Variants in ZC3H12D observed in about 807,000 individuals in gnomAD.
ZC3H12D encodes probable ribonuclease ZC3H12D.
In ZC3H12D, 11 loss-of-function variants were observed where a neutral mutation model predicts 24.2. That is an observed-to-expected ratio of 0.46 (90% CI 0.29 to 0.75). The LOEUF (loss-of-function observed/expected upper bound fraction) is 0.75, where lower values mean the gene tolerates loss of function less well. ZC3H12D is among the 30% of genes least tolerant of loss of function. The pLI, the probability that ZC3H12D is intolerant of heterozygous loss-of-function variation, is 0.11. For missense variants in ZC3H12D, 740 were observed against 767.7 expected, an observed-to-expected ratio of 0.96 and a Z score of 0.43; for synonymous variants, 333 against 341.8, an observed-to-expected ratio of 0.97 and a Z score of 0.28.
chr6:149,449,350 A>G lies in ZC3H12D; in HGVS notation c.*1333T>C, dbSNP rs1775838469. 2 of 152,472 alleles carry G rather than the reference A, an allele frequency of 1.3e-5. No individual in the cohort carries two copies. Among genetic ancestry groups the G allele is most frequent in the Non-Finnish European group, 2.9e-5 (2 of 68,274 alleles). 9.4% of individuals were successfully genotyped at this position (152,472 alleles called of 1,614,324 possible). A position where few individuals can be genotyped will look rare whatever the true frequency, so the allele number is the denominator to read the frequency against. Reference sequence around the variant, plus strand: ...TCCCAGTTACTCAGGAGGCTGAGGCAGGGGGATCACTTGAATCCAGGAGTT... The same window carrying G: ...TCCCAGTTACTCAGGAGGCTGAGGCGGGGGGATCACTTGAATCCAGGAGTT... On this transcript the variant is annotated 3_prime_UTR_variant, in exon 6 of 6. Transcript: ENST00000409806.
At position 149,456,601 on chromosome 6, in the gene ZC3H12D, ACTGCCTCGACCCCGGCCCCCCGCCCCGCC is replaced by A; in HGVS notation, c.680+36_680+64del. 7.3e-7 allele frequency: 1 copy of A among 1,369,752 alleles called. No individual in the cohort carries two copies. The highest frequency in any genetic ancestry group is 1.0e-6 in the Non-Finnish European group (1 of 994,386). The allele number at this position is 1,369,752 out of a possible 1,614,324, so 84.8% of individuals were successfully genotyped here. ...CCTCCACCTGGTAGCAGGCGTGGCC[ACTGCCTCGACCCCGGCCCCCCGCCCCGCC>A]GCCCCCCAGGGTGTCAGGACCCCAG... On this transcript the variant is annotated intron_variant, in intron 4 of 5. Transcript: ENST00000409806. The surrounding 1 kb of genome is among the most constrained non-coding windows in gnomAD (Gnocchi z 4.3).
Position 149,450,480 on chromosome 6 carries a change from G to T in ZC3H12D, c.*203C>A. 1.8e-6 allele frequency: 1 copy of T among 554,098 alleles called. No individual in the cohort carries two copies. The highest frequency in any genetic ancestry group is 3.1e-6 in the Non-Finnish European group (1 of 323,338). 34.3% of individuals were successfully genotyped at this position (554,098 alleles called of 1,614,324 possible). On this transcript the variant is annotated 3_prime_UTR_variant, in exon 6 of 6. Coordinates refer to ENST00000409806, the MANE Select transcript of ZC3H12D (RefSeq NM_207360.3). ...GAAGTGGGTGGACCTCCCCGCAGCAGGCCCCGGCCTCAGTGAGGATCACCA... is the reference window on the plus strand; with the variant it reads ...GAAGTGGGTGGACCTCCCCGCAGCATGCCCCGGCCTCAGTGAGGATCACCA...
At chr6:149,469,315 G>A (rs964477629) in intron 2 of ZC3H12D, among the ~76,000 whole-genome samples, 3 of 152,162 alleles carry the variant, frequency 2.0e-5, no homozygotes, top group African/African-American at 7.2e-5. Context: ...AAAATTAGCT[G>A]GACGTGGTGG....
At chr6:149,467,960 A>T (rs879400372) in intron 2 of ZC3H12D, among the ~76,000 whole-genome samples, 2 of 152,150 alleles carry the variant, frequency 1.3e-5, no homozygotes, top group Admixed American at 1.3e-4. Context: ...AAAAGGAGAC[A>T]GGAGCTGGGA....
In ZC3H12D at chr6:149,474,320, C is replaced by T. The variant is rs1381633236; in HGVS notation, c.224G>A (p.Gly75Glu). 8 of 1,594,034 alleles carry T rather than the reference C, an allele frequency of 5.0e-6. No homozygotes were observed. The highest frequency in any genetic ancestry group is 6.0e-6 in the Non-Finnish European group (7 of 1,166,166). Residue 75 changes from glycine (G) to glutamate (E), a missense_variant, in exon 2 of 6, where the codon GGG becomes GAG. Transcript: ENST00000409806. Reference sequence around the variant, plus strand: ...TCTGAAGTCCTCTTCCAGGGCTGTCCCCGGGCCACGCTGGGCAGAGTCCGG... The same window carrying T: ...TCTGAAGTCCTCTTCCAGGGCTGTCTCCGGGCCACGCTGGGCAGAGTCCGG... ...GVPDSAQRGP[G>E]TALEEDFRTL...
chr6:149,465,720 A>C (rs1457778705), intron 2 of ZC3H12D, among the ~76,000 whole-genome samples: 1 of 142,242 alleles, frequency 7.0e-6, no homozygotes, highest in Admixed American at 7.0e-5. Context: ...GCACCACTGC[A>C]CTCCAGCCTG....
intron 2 of ZC3H12D, among the ~76,000 whole-genome samples, chr6:149,466,382 C>T (rs902105597): frequency 6.6e-5 from 10 of 151,822 alleles, no homozygotes; most frequent in Admixed American, 3.3e-4. Flanking sequence ...AAGATGTACC[C>T]TCCCCTACCT....
intron 2 of ZC3H12D, among the ~76,000 whole-genome samples, chr6:149,465,772 G>GA (rs1562475009): frequency 6.6e-6 from 1 of 151,424 alleles, no homozygotes; most frequent in African/African-American, 2.4e-5. Flanking sequence ...AAAAAGGGGG[G>GA]GGGAAGAGGA....
At chr6:149,455,865 G>T (rs1256592935) in intron 4 of ZC3H12D, among the ~76,000 whole-genome samples, 1 of 150,200 alleles carries the variant, frequency 6.7e-6, no homozygotes, top group Non-Finnish European at 1.5e-5. Flanking sequence ...TCATGCCACT[G>T]CACTCCAACC....
At chr6:149,484,259 C>T (rs1341706112) in intron 1 of ZC3H12D, among the ~76,000 whole-genome samples, 2 of 152,196 alleles carry the variant, frequency 1.3e-5, no homozygotes, top group African/African-American at 4.8e-5. Context: ...GTCAGATTAA[C>T]ATTTAGTTCA....
chr6:149,471,767 A>C (rs768451156), intron 2 of ZC3H12D, among the ~76,000 whole-genome samples: 3 of 152,248 alleles, frequency 2.0e-5, no homozygotes, highest in African/African-American at 2.4e-5. Context: ...TCCAGGGGAC[A>C]GAGCCACAGC....
chr6:149,480,908 G>A (rs939739091), intron 1 of ZC3H12D, among the ~76,000 whole-genome samples: 2 of 151,604 alleles, frequency 1.3e-5, no homozygotes, highest in Non-Finnish European at 1.5e-5. Context: ...CATCACAGTC[G>A]GGCCCAACAC....
At chr6:149,466,119 G>A (rs1281793956) in intron 2 of ZC3H12D, among the ~76,000 whole-genome samples, 1 of 152,074 alleles carries the variant, frequency 6.6e-6, no homozygotes, top group African/African-American at 2.4e-5. Context: ...TGGCACCAGT[G>A]AGCAGAGAGC....
intron 3 of ZC3H12D, chr6:149,459,471 T>G (rs1776038005): frequency 1.6e-6 from 1 of 643,050 alleles, no homozygotes; most frequent in Non-Finnish European, 2.8e-6. Flanking sequence ...TTGTATTGAT[T>G]GTGCAGCATG....
rs1187408207 is a variant in ZC3H12D at position 149,446,811 on chromosome 6, T to G, written c.*3872A>C. 6.6e-6 allele frequency: 1 copy of G among 152,158 alleles called. No individual in the cohort carries two copies. Among genetic ancestry groups the G allele is most frequent in the Non-Finnish European group, 1.5e-5 (1 of 68,060 alleles). 9.4% of individuals were successfully genotyped at this position (152,158 alleles called of 1,614,324 possible). Reference sequence around the variant, plus strand: ...AGCTCAATGTCAAACCAAAGCTGGATCCATTTTATTTGGAAGAATGCCAAT... The same window carrying G: ...AGCTCAATGTCAAACCAAAGCTGGAGCCATTTTATTTGGAAGAATGCCAAT... On this transcript the variant is annotated 3_prime_UTR_variant, in exon 6 of 6. Coordinates refer to ENST00000409806, the MANE Select transcript of ZC3H12D (RefSeq NM_207360.3).
intron 1 of ZC3H12D, among the ~76,000 whole-genome samples, chr6:149,475,438 C>A (rs1776320052): frequency 6.6e-6 from 1 of 152,116 alleles, no homozygotes; most frequent in South Asian, 2.1e-4. Context: ...CCTGCCCCGG[C>A]TGGGCATGGT....
chr6:149,478,102 G>A (rs1776369182), intron 1 of ZC3H12D, among the ~76,000 whole-genome samples: 1 of 151,176 alleles, frequency 6.6e-6, no homozygotes, highest in Admixed American at 6.6e-5. Context: ...AGGAGGGAGA[G>A]GTTGTGGTAA....
intron 2 of ZC3H12D, among the ~76,000 whole-genome samples, chr6:149,469,072 A>G (rs1411159202): frequency 6.6e-6 from 1 of 152,194 alleles, no homozygotes; most frequent in African/African-American, 2.4e-5. Flanking sequence ...TTTCCCCCCA[A>G]GGTTGTACTT....
chr6:149,472,438 C>T (rs762154357), intron 2 of ZC3H12D, among the ~76,000 whole-genome samples: 1 of 151,672 alleles, frequency 6.6e-6, no homozygotes, highest in Non-Finnish European at 1.5e-5. Context: ...TGTGTGAGAA[C>T]ATTTATGCTC....
Sources: allele counts gnomAD v4.1 joint callset (sites outside exome capture counted in the v4.1 genomes callset), GRCh38; gene constraint gnomAD v4.1.1; non-coding constraint Gnocchi (gnomAD v3.1); transcripts MANE v1.5; gene names NCBI Gene and HGNC (gene_info 2026-07-23, HGNC 2026-07-21).